XNDC1N: variants seen among roughly 807,000 people sequenced by gnomAD.
The protein encoded by XNDC1N is XRCC1 N-terminal domain containing 1, N-terminal like, also known as protein XNDC1N.
At chr11:71,915,308 C>T in the XNDC1N span, among the ~76,000 whole-genome samples, 2 of 151,888 alleles carry the variant, frequency 1.3e-5, no homozygotes, top group Admixed American at 1.3e-4. Context: ...ATTAGCCGGG[C>T]GTGGTGGCAG....
At chr11:71,909,667 T>C in the XNDC1N span, among the ~76,000 whole-genome samples, 1 of 152,218 alleles carries the variant, frequency 6.6e-6, no homozygotes, top group East Asian at 1.9e-4. Context: ...TGCCCCCTTA[T>C]CCAAAAAGAA....
chr11:71,873,210 T>C, the XNDC1N span, among the ~76,000 whole-genome samples: 2 of 152,212 alleles, frequency 1.3e-5, no homozygotes, highest in Non-Finnish European at 2.9e-5. Context: ...AGCAGTATGC[T>C]GCTTTCATAC....
the XNDC1N span, among the ~76,000 whole-genome samples, chr11:71,927,407 G>A: frequency 6.6e-6 from 1 of 152,074 alleles, no homozygotes; most frequent in South Asian, 2.1e-4. Context: ...CGTAGTCCCA[G>A]CTATTTGGGA....
chr11:71,873,691 T>C, the XNDC1N span, among the ~76,000 whole-genome samples: 1 of 152,042 alleles, frequency 6.6e-6, no homozygotes, highest in Non-Finnish European at 1.5e-5. Flanking sequence ...AGAAAACTAA[T>C]ACGTGTGGAA....
the XNDC1N span, among the ~76,000 whole-genome samples, chr11:71,915,846 A>G: frequency 1.3e-5 from 2 of 152,222 alleles, no homozygotes; most frequent in Non-Finnish European, 2.9e-5. Flanking sequence ...AGCTTTGTGT[A>G]TACTGTATCC....
chr11:71,923,510 A>G, the XNDC1N span: 1 of 613,128 alleles, frequency 1.6e-6, no homozygotes, highest in South Asian at 1.9e-5. Context: ...CAAACTAGCC[A>G]TGGCTGTGGT....
the XNDC1N span, among the ~76,000 whole-genome samples, chr11:71,920,851 G>C: frequency 1.3e-5 from 2 of 152,190 alleles, no homozygotes; most frequent in Admixed American, 1.3e-4. Flanking sequence ...TGTAATTTCA[G>C]CTACTTGGGG....
chr11:71,901,123 G>A, the XNDC1N span, among the ~76,000 whole-genome samples: 1 of 152,140 alleles, frequency 6.6e-6, no homozygotes, highest in Non-Finnish European at 1.5e-5. Flanking sequence ...GAAAGAATTG[G>A]CACAGGATCA....
chr11:71,886,198 C>T, the XNDC1N span, among the ~76,000 whole-genome samples: 1 of 152,206 alleles, frequency 6.6e-6, no homozygotes, highest in South Asian at 2.1e-4. Context: ...AAACAATACA[C>T]CGTCCTATAC....
the XNDC1N span, chr11:71,903,265 G>T: frequency 0.014 from 16,358 of 1,202,158 alleles, 135 homozygotes; most frequent in Middle Eastern, 0.028. Context: ...AACTGCAGCC[G>T]GTCGTCGCTG....
At chr11:71,923,553 C>CT in the XNDC1N span, 2 of 508,102 alleles carry the variant, frequency 3.9e-6, no homozygotes, top group South Asian at 2.3e-5. Flanking sequence ...CAGTTCATTT[C>CT]TGTTTTGTTT....
chr11:71,924,837 G>A, the XNDC1N span, among the ~76,000 whole-genome samples: 2 of 152,114 alleles, frequency 1.3e-5, no homozygotes, highest in East Asian at 1.9e-4. Context: ...CTTGCTGAAA[G>A]GAGTTTTTAA....
At chr11:71,908,010 G>A in the XNDC1N span, among the ~76,000 whole-genome samples, 26 of 152,184 alleles carry the variant, frequency 1.7e-4, no homozygotes, top group East Asian at 2.5e-3. Context: ...GATTTTATTC[G>A]GATCAATGTC....
chr11:71,871,741 G>A, the XNDC1N span, among the ~76,000 whole-genome samples: 2 of 151,866 alleles, frequency 1.3e-5, no homozygotes, highest in African/African-American at 4.8e-5. Flanking sequence ...TATGTGAATG[G>A]GCATAAACAG....
the XNDC1N span, among the ~76,000 whole-genome samples, chr11:71,894,978 C>A: frequency 1.3e-5 from 2 of 152,164 alleles, no homozygotes; most frequent in Admixed American, 1.3e-4. Context: ...TCTATTTAGG[C>A]AGGTTATGTA....
At chr11:71,890,977 A>T in the XNDC1N span, among the ~76,000 whole-genome samples, 121 of 146,256 alleles carry the variant, frequency 8.3e-4, no homozygotes, top group African/African-American at 2.7e-3. Context: ...ACATCACAGG[A>T]GGGGTGTACT....
the XNDC1N span, among the ~76,000 whole-genome samples, chr11:71,923,026 T>C: frequency 2.0e-5 from 3 of 152,350 alleles, no homozygotes; most frequent in South Asian, 6.2e-4. Context: ...CTGAGGATCC[T>C]GGTGCAGTTT....
the XNDC1N span, among the ~76,000 whole-genome samples, chr11:71,875,201 T>G: frequency 6.6e-6 from 1 of 152,076 alleles, no homozygotes. Context: ...TTTGGAGTAT[T>G]TGAAAATAGT....
the XNDC1N span, among the ~76,000 whole-genome samples, chr11:71,907,089 G>A: frequency 6.6e-6 from 1 of 152,046 alleles, no homozygotes; most frequent in Non-Finnish European, 1.5e-5. Context: ...TATTATTAAC[G>A]TCCCGCTAGG....
Sources: gnomAD v4.1 joint callset for allele counts (sites outside exome capture counted in the v4.1 genomes callset) on GRCh38, gnomAD v4.1.1 for gene constraint, MANE v1.5 for transcripts, NCBI Gene and HGNC (gene_info 2026-07-23, HGNC 2026-07-21) for gene names.